Variants in GALNTL6 observed in about 807,000 individuals in gnomAD.
GALNTL6 encodes polypeptide N-acetylgalactosaminyltransferase-like 6.
In GALNTL6, 46 loss-of-function variants were observed where a neutral mutation model predicts 73.7. The ratio of observed to expected loss-of-function variants is 0.62; its 90% CI spans 0.49 to 0.80. The LOEUF (loss-of-function observed/expected upper bound fraction) is 0.80, where lower values mean the gene tolerates loss of function less well. GALNTL6 is among the 30% of genes least tolerant of loss of function. GALNTL6 has a pLI of 0.00. For synonymous variants in GALNTL6, 259 were observed against 263.7 expected (o/e 0.98, Z 0.17); for missense variants, 604 against 755.0 (o/e 0.80, Z 2.34).
At chr4:172,358,857 CAAAAAAAAAA>C (rs56119441) in intron 5 of GALNTL6, among the ~76,000 whole-genome samples, 1 of 85,554 alleles carries the variant, frequency 1.2e-5, no homozygotes. Flanking sequence ...ATTAAAAAGT[CAAAAAAAAAA>C]AAAAAAAAAA....
At chr4:172,609,054 T>C (rs1738417429) in intron 5 of GALNTL6, among the ~76,000 whole-genome samples, 1 of 152,178 alleles carries the variant, frequency 6.6e-6, no homozygotes, top group South Asian at 2.1e-4. Context: ...CTCTGGAGTT[T>C]CCTAGGTATG....
chr4:172,196,360 C>A (rs1048453983), intron 2 of GALNTL6, among the ~76,000 whole-genome samples: 1 of 152,084 alleles, frequency 6.6e-6, no homozygotes, highest in Non-Finnish European at 1.5e-5. Context: ...TGAATTCTAC[C>A]AGAGGTACAA....
intron 5 of GALNTL6, among the ~76,000 whole-genome samples, chr4:172,764,339 C>T (rs1738285311): frequency 3.3e-5 from 5 of 152,094 alleles, no homozygotes; most frequent in African/African-American, 9.7e-5. Flanking sequence ...GTTGAAAAAC[C>T]ATTTGGAAAT....
chr4:172,748,896 T>A, intron 5 of GALNTL6, among the ~76,000 whole-genome samples: 1 of 35,102 alleles, frequency 2.8e-5, no homozygotes, highest in East Asian at 0.017. Flanking sequence ...GTTGTTGTTG[T>A]TGTTGTTGTT....
At chr4:172,925,357 G>T (rs1234172694) in intron 8 of GALNTL6, among the ~76,000 whole-genome samples, 1 of 152,190 alleles carries the variant, frequency 6.6e-6, no homozygotes, top group Non-Finnish European at 1.5e-5. Flanking sequence ...CCAGGATGAG[G>T]TTATCGATAG....
chr4:172,402,445 A>G (rs1744076758), intron 5 of GALNTL6, among the ~76,000 whole-genome samples: 1 of 152,144 alleles, frequency 6.6e-6, no homozygotes, highest in African/African-American at 2.4e-5. Flanking sequence ...ATTGAAATAC[A>G]CTTAAAGCGT....
chr4:173,036,732 A>G (rs1561100449), intron 12 of GALNTL6, among the ~76,000 whole-genome samples: 1 of 152,228 alleles, frequency 6.6e-6, no homozygotes, highest in Admixed American at 6.5e-5. Context: ...CCAGGACTGG[A>G]CAAAGAACAA....
At chr4:171,825,162 A>G (rs1416356972) in intron 2 of GALNTL6, among the ~76,000 whole-genome samples, 1 of 152,168 alleles carries the variant, frequency 6.6e-6, no homozygotes, top group Non-Finnish European at 1.5e-5. Context: ...TTAGGGCTGA[A>G]TACTTTATTA....
intron 5 of GALNTL6, among the ~76,000 whole-genome samples, chr4:172,669,413 G>T (rs192251723): frequency 2.8e-4 from 43 of 152,244 alleles, no homozygotes; most frequent in African/African-American, 1.0e-3. Flanking sequence ...AGGAACAGAG[G>T]GCTCACTAGA....
intron 5 of GALNTL6, among the ~76,000 whole-genome samples, chr4:172,443,135 T>C (rs1207402161): frequency 9.0e-6 from 1 of 111,554 alleles, no homozygotes; most frequent in Non-Finnish European, 1.7e-5. Context: ...TATATATATA[T>C]ATATATATAT....
At chr4:172,671,585 A>G (rs1731987948) in intron 5 of GALNTL6, among the ~76,000 whole-genome samples, 2 of 152,218 alleles carry the variant, frequency 1.3e-5, no homozygotes, top group African/African-American at 4.8e-5. Flanking sequence ...TTTTCTAGAT[A>G]CAAGATTATA....
intron 10 of GALNTL6, among the ~76,000 whole-genome samples, chr4:173,003,937 T>C (rs1360550982): frequency 6.6e-6 from 1 of 152,200 alleles, no homozygotes; most frequent in Non-Finnish European, 1.5e-5. Flanking sequence ...CCCTGATATA[T>C]GTGGGCTCCT....
intron 12 of GALNTL6, among the ~76,000 whole-genome samples, chr4:173,029,642 C>T (rs1036580042): frequency 6.6e-6 from 1 of 152,210 alleles, no homozygotes; most frequent in Admixed American, 6.5e-5. Context: ...TTCACACACT[C>T]AGCTTCTTAA....
intron 2 of GALNTL6, among the ~76,000 whole-genome samples, chr4:172,177,791 A>ATATATATCCACACACATATATGTGTGTG (rs1735074551): frequency 9.8e-6 from 1 of 101,738 alleles, no homozygotes; most frequent in Non-Finnish European, 2.1e-5. Context: ...ACACATGTGT[A>ATATATATCCACACACATATATGTGTGTG]TATATATACA....
At chr4:172,813,835 G>A (rs546119552) in intron 7 of GALNTL6, 112 bp downstream of exon 7, 69 of 783,230 alleles carry the variant, frequency 8.8e-5, no homozygotes, top group Non-Finnish European at 1.3e-4. Flanking sequence ...TAAAACAGGC[G>A]GCAACAATAT....
chr4:172,928,592 T>A (rs1335165044), intron 8 of GALNTL6, among the ~76,000 whole-genome samples: 1 of 152,190 alleles, frequency 6.6e-6, no homozygotes, highest in Non-Finnish European at 1.5e-5. Context: ...CCATTCTATC[T>A]TTAATCATTT....
intron 2 of GALNTL6, among the ~76,000 whole-genome samples, chr4:172,111,048 A>G (rs1438008166): frequency 6.6e-6 from 1 of 152,034 alleles, no homozygotes; most frequent in African/African-American, 2.4e-5. Context: ...TGGAAGTCCC[A>G]TTTGGATCTT....
intron 5 of GALNTL6, among the ~76,000 whole-genome samples, chr4:172,681,969 C>T (rs1286294246): frequency 6.6e-6 from 1 of 152,212 alleles, no homozygotes; most frequent in African/African-American, 2.4e-5. Context: ...GAACCTCCCC[C>T]TCTGTTTATG....
intron 2 of GALNTL6, among the ~76,000 whole-genome samples, chr4:172,169,294 A>G (rs1051125518): frequency 2.6e-5 from 4 of 152,208 alleles, no homozygotes; most frequent in African/African-American, 9.6e-5. Flanking sequence ...ATTCAACCAG[A>G]GGCTTCACCT....
Sources: gnomAD v4.1 joint callset for allele counts (sites outside exome capture counted in the v4.1 genomes callset) on GRCh38, gnomAD v4.1.1 for gene constraint, MANE v1.5 for transcripts, NCBI Gene and HGNC (gene_info 2026-07-23, HGNC 2026-07-21) for gene names.